ZNF469: variants seen among roughly 807,000 people sequenced by gnomAD.
ZNF469 encodes zinc finger protein 469.
ZNF469 carries 1 observed loss-of-function variant against 1.0 expected under a neutral mutation model. That is an observed-to-expected ratio of 1.00 (90% CI 0.35 to 4.73). The LOEUF is 4.73. Ranked by LOEUF, ZNF469 falls within the 30% of genes most tolerant of loss-of-function variation. The pLI is 0.16. For synonymous variants in ZNF469, 2,703 were observed against 2,363.4 expected (o/e 1.14, Z -4.17); for missense variants, 6,100 against 5,356.3 (o/e 1.14, Z -4.33).
the ZNF469 span, among the ~76,000 whole-genome samples, chr16:88,340,094 C>G: frequency 6.6e-6 from 1 of 152,144 alleles, no homozygotes; most frequent in African/African-American, 2.4e-5. Context: ...TAAAGTGAGT[C>G]AGCAAGCAAA....
the ZNF469 span, among the ~76,000 whole-genome samples, chr16:88,348,480 C>T: frequency 0.06 from 9,084 of 152,282 alleles, 365 homozygotes; most frequent in East Asian, 0.13. Context: ...GGGCATATCC[C>T]TCAGGGGCCA....
the ZNF469 span, among the ~76,000 whole-genome samples, chr16:88,114,551 G>A: frequency 3.3e-5 from 5 of 152,200 alleles, no homozygotes; most frequent in African/African-American, 1.2e-4. Context: ...GGGAACGCGC[G>A]GTGCCCAGCT....
chr16:88,408,246 A>G (rs1905066378), intron 1 of ZNF469, among the ~76,000 whole-genome samples: 1 of 152,186 alleles, frequency 6.6e-6, no homozygotes, highest in South Asian at 2.1e-4. Flanking sequence ...TCTGCCTCCC[A>G]GGTTCGAGCA....
the ZNF469 span, among the ~76,000 whole-genome samples, chr16:88,128,433 G>C: frequency 5.9e-5 from 9 of 152,022 alleles, no homozygotes; most frequent in African/African-American, 2.2e-4. Context: ...ATTATTTTTT[G>C]CTGTTCTCAC....
chr16:88,211,004 C>G, the ZNF469 span, among the ~76,000 whole-genome samples: 1 of 152,248 alleles, frequency 6.6e-6, no homozygotes, highest in Admixed American at 6.5e-5. Flanking sequence ...AGAACCGATG[C>G]CTTCGGCCGT....
the ZNF469 span, among the ~76,000 whole-genome samples, chr16:88,131,967 C>T: frequency 6.6e-6 from 1 of 152,260 alleles, no homozygotes; most frequent in Non-Finnish European, 1.5e-5. Context: ...GCCCGCGCAT[C>T]TCCGGGGCTG....
the ZNF469 span, among the ~76,000 whole-genome samples, chr16:88,320,224 G>T: frequency 1.3e-5 from 2 of 152,224 alleles, no homozygotes; most frequent in African/African-American, 2.4e-5. Context: ...ATCCTAGGGA[G>T]ACTCGGGGTT....
chr16:88,203,609 G>T, the ZNF469 span, among the ~76,000 whole-genome samples: 3 of 152,298 alleles, frequency 2.0e-5, no homozygotes, highest in South Asian at 6.2e-4. Flanking sequence ...TGCCTGGGGG[G>T]TCTCCCGGGG....
At chr16:88,276,323 G>A in the ZNF469 span, among the ~76,000 whole-genome samples, 2 of 152,152 alleles carry the variant, frequency 1.3e-5, no homozygotes, top group Non-Finnish European at 2.9e-5. Flanking sequence ...GGATTGGGAG[G>A]AAAGTCAGTG....
the ZNF469 span, among the ~76,000 whole-genome samples, chr16:88,249,936 C>A: frequency 1.1e-4 from 16 of 152,340 alleles, no homozygotes; most frequent in South Asian, 2.1e-4. Context: ...TCCTCCCTGA[C>A]CTTCAGCATA....
chr16:88,309,995 T>C, the ZNF469 span, among the ~76,000 whole-genome samples: 5 of 152,168 alleles, frequency 3.3e-5, no homozygotes, highest in African/African-American at 1.2e-4. Flanking sequence ...CCACCCGTGT[T>C]GTAAAACCCT....
the ZNF469 span, among the ~76,000 whole-genome samples, chr16:88,169,631 G>A: frequency 2.0e-5 from 3 of 152,328 alleles, no homozygotes; most frequent in South Asian, 2.1e-4. This position sits in a 1 kb window ranked among gnomAD's most constrained non-coding sequence, Gnocchi z 6.1. Flanking sequence ...GGCTGATTCC[G>A]GGTCTGCCAA....
Position 88,433,711 on chromosome 16 carries a change from G to T in ZNF469, c.6241G>T (p.Gly2081Cys). The stretch of plus-strand genomic sequence containing the variant: ...AGCCCACAGCCGAAGTGGATCTGAG[G>T]GCCGGACTCCAGAGAGGGCGTCCAG... ...TAAHSRSGSE[G>C]RTPERASSPG... The change falls in exon 3 of 3, where the codon GGC becomes TGC. Residue 2081 changes from glycine (G) to cysteine (C), a missense_variant. Transcript: ENST00000565624. 1 of 1,549,160 alleles carries T rather than the reference G, an allele frequency of 6.5e-7. No homozygotes were observed.
chr16:88,189,969 C>G, the ZNF469 span, among the ~76,000 whole-genome samples: 14 of 152,226 alleles, frequency 9.2e-5, no homozygotes, highest in African/African-American at 3.1e-4. The surrounding 1 kb of genome is among the most constrained non-coding windows in gnomAD (Gnocchi z 4.3). Flanking sequence ...CAGGAGGCAA[C>G]CAGACTCTGG....
the ZNF469 span, among the ~76,000 whole-genome samples, chr16:88,354,043 G>C: frequency 6.6e-6 from 1 of 152,228 alleles, no homozygotes; most frequent in South Asian, 2.1e-4. Flanking sequence ...CACAGGGCCA[G>C]GGACCGTGTT....
At chr16:88,226,118 T>C in the ZNF469 span, among the ~76,000 whole-genome samples, 1 of 152,198 alleles carries the variant, frequency 6.6e-6, no homozygotes, top group African/African-American at 2.4e-5. Context: ...CCAGAGATTT[T>C]TCGCAGGCGT....
chr16:88,379,549 A>G (rs2092515993), upstream of ZNF469, among the ~76,000 whole-genome samples: 1 of 152,060 alleles, frequency 6.6e-6, no homozygotes, highest in African/African-American at 2.4e-5. Context: ...CCAAGCCTGG[A>G]GCAAAGCTGC....
At chr16:88,348,100 G>A in the ZNF469 span, among the ~76,000 whole-genome samples, 3 of 152,370 alleles carry the variant, frequency 2.0e-5, no homozygotes, top group Middle Eastern at 3.4e-3. Flanking sequence ...CTTCTGGGCT[G>A]GCCCACCTGC....
the ZNF469 span, among the ~76,000 whole-genome samples, chr16:88,327,402 G>A: frequency 2.0e-5 from 3 of 152,238 alleles, no homozygotes; most frequent in Admixed American, 2.0e-4. Flanking sequence ...TTCCCTGGAC[G>A]AGGTGGGCTG....
Sources: allele counts gnomAD v4.1 joint callset (sites outside exome capture counted in the v4.1 genomes callset), GRCh38; gene constraint gnomAD v4.1.1; non-coding constraint Gnocchi (gnomAD v3.1); transcripts MANE v1.5; gene names NCBI Gene and HGNC (gene_info 2026-07-23, HGNC 2026-07-21).